Variants in PTPRD observed in about 807,000 individuals in gnomAD.
PTPRD encodes the protein protein tyrosine phosphatase receptor type D.
Under a neutral mutation model 214.5 loss-of-function variants are expected in PTPRD, and 34 were observed. That is an observed-to-expected ratio of 0.16 (90% CI 0.12 to 0.21). The LOEUF (loss-of-function observed/expected upper bound fraction) is 0.21. Ranked by LOEUF, PTPRD falls within the 10% of genes least tolerant of loss-of-function variation. PTPRD has a pLI of 1.00. For synonymous variants in PTPRD, 1,128 were observed against 845.7 expected (o/e 1.33, Z -5.79); for missense variants, 2,545 against 2,398.7 (o/e 1.06, Z -1.27).
At chr9:10,134,722 T>A (rs1290366280) in intron 3 of PTPRD, among the ~76,000 whole-genome samples, 2 of 151,956 alleles carry the variant, frequency 1.3e-5, no homozygotes, top group African/African-American at 4.8e-5. Context: ...AAAAGCCCCA[T>A]CTAAACAAAA....
chr9:8,870,854 C>G (rs998416912), intron 11 of PTPRD, among the ~76,000 whole-genome samples: 1 of 152,092 alleles, frequency 6.6e-6, no homozygotes, highest in Admixed American at 6.6e-5. Context: ...AGAACTTTAC[C>G]CTCTGTCCTG....
chr9:9,491,927 C>T (rs1239946513), intron 8 of PTPRD, among the ~76,000 whole-genome samples: 2 of 151,876 alleles, frequency 1.3e-5, no homozygotes, highest in South Asian at 2.1e-4. Context: ...AATAGAAAAA[C>T]AGTAGAGTAA....
At chr9:9,829,905 A>G (rs1235344303) in intron 5 of PTPRD, among the ~76,000 whole-genome samples, 1 of 151,792 alleles carries the variant, frequency 6.6e-6, no homozygotes, top group Non-Finnish European at 1.5e-5. Context: ...GCCCCTACAA[A>G]TAATCATAGA....
intron 6 of PTPRD, among the ~76,000 whole-genome samples, chr9:9,764,041 T>TC (rs2154477746): frequency 6.6e-6 from 1 of 152,266 alleles, no homozygotes; most frequent in Admixed American, 6.5e-5. Flanking sequence ...TGAGCACCTC[T>TC]CCATTGTAGC....
intron 8 of PTPRD, among the ~76,000 whole-genome samples, chr9:9,539,066 G>C (rs972787218): frequency 4.0e-5 from 6 of 151,796 alleles, no homozygotes; most frequent in African/African-American, 1.2e-4. Flanking sequence ...TTCTGCACAA[G>C]ATAATTTCAC....
intron 36 of PTPRD, among the ~76,000 whole-genome samples, chr9:8,391,795 A>C (rs1268267549): frequency 2.0e-5 from 3 of 152,164 alleles, no homozygotes. Flanking sequence ...CAAGGAAAGC[A>C]AATGTGTCTG....
chr9:8,795,359 G>A lies in PTPRD; in HGVS notation c.-103-61413C>T, dbSNP rs533618232. On this transcript the variant is annotated intron_variant, in intron 11 of 45. Coordinates refer to ENST00000381196, the MANE Select transcript of PTPRD (RefSeq NM_002839.4). ...TTTTCTATTTTTTAGTAGAGACAGC[G>A]TTTCACCACGGTTGGCCATGCTGAT... 3.9e-5 allele frequency among the ~76,000 whole-genome samples: 6 copies of A among 152,012 alleles called. No homozygotes were observed. The East Asian group carries it at 5.8e-4, about 15-fold the overall frequency.
At chr9:10,019,628 G>A (rs1190840830) in intron 4 of PTPRD, among the ~76,000 whole-genome samples, 1 of 152,104 alleles carries the variant, frequency 6.6e-6, no homozygotes, top group Non-Finnish European at 1.5e-5. Flanking sequence ...TCCTTTGTAG[G>A]GACATGGATG....
chr9:10,120,734 C>G (rs1432618975), intron 3 of PTPRD, among the ~76,000 whole-genome samples: 1 of 151,944 alleles, frequency 6.6e-6, no homozygotes, highest in African/African-American at 2.4e-5. Flanking sequence ...GACATTTCTT[C>G]TTCAATAAAT....
At chr9:10,077,055 T>A (rs2098142743) in intron 3 of PTPRD, among the ~76,000 whole-genome samples, 1 of 152,180 alleles carries the variant, frequency 6.6e-6, no homozygotes, top group African/African-American at 2.4e-5. Context: ...ATCCGGAGAC[T>A]TACTACAGAC....
At position 8,316,466 on chromosome 9, in the gene PTPRD, T is replaced by C. The variant is rs1821845731; in HGVS notation, c.*1408A>G. 8.7e-6 allele frequency: 2 copies of C among 230,664 alleles called. No homozygotes were observed. Among genetic ancestry groups the C allele is most frequent in the Non-Finnish European group, 8.6e-6 (1 of 116,234 alleles). 14.3% of individuals were successfully genotyped at this position (230,664 alleles called of 1,614,324 possible). On this transcript the variant is annotated 3_prime_UTR_variant, in exon 46 of 46. Transcript: ENST00000381196. ...TGAATTTGGCTTTGCCCCTGTTACA[T>C]ATCATAAATGCAAATTTCATAGCAC...
Position 8,463,308 on chromosome 9 carries a change from CAAAAAAAAA to C in PTPRD, c.3714+2149_3714+2157del, listed in dbSNP as rs71308864. ...TATGTCCAAGCTTCTCAGAGGCAGC[CAAAAAAAAA>C]AAAAAAAAAAAAAAAAAGATGTGTA... On this transcript the variant is annotated intron_variant, in intron 32 of 45. Transcript: ENST00000381196. Among the ~76,000 whole-genome samples the C allele has an allele frequency of 1.3e-3, 37 of 28,868 alleles. 1 individual carries two copies. The highest frequency in any genetic ancestry group is 3.6e-3 in the African/African-American group (37 of 10,218). 18.9% of individuals were successfully genotyped at this position (28,868 alleles called of 152,430 possible).
At chr9:9,659,346 AT>A (rs2096579373) in intron 7 of PTPRD, among the ~76,000 whole-genome samples, 1 of 152,108 alleles carries the variant, frequency 6.6e-6, no homozygotes, top group Non-Finnish European at 1.5e-5. Flanking sequence ...GAGAGAAAAA[AT>A]TTCAACAAAT....
chr9:8,822,810 C>T (rs2097097889), intron 11 of PTPRD, among the ~76,000 whole-genome samples: 1 of 151,938 alleles, frequency 6.6e-6, no homozygotes, highest in Non-Finnish European at 1.5e-5. Flanking sequence ...AACTTCAACC[C>T]CCTCCCATCC....
chr9:8,835,420 T>C (rs1428725654), intron 11 of PTPRD, among the ~76,000 whole-genome samples: 1 of 152,238 alleles, frequency 6.6e-6, no homozygotes, highest in Non-Finnish European at 1.5e-5. Context: ...AGTCGGCTTC[T>C]TAGAGTCTCC....
At chr9:9,329,134 A>G (rs1353112626) in intron 9 of PTPRD, among the ~76,000 whole-genome samples, 2 of 152,140 alleles carry the variant, frequency 1.3e-5, no homozygotes, top group African/African-American at 2.4e-5. Context: ...GCAGTAATGT[A>G]TCTCAGCAAA....
chr9:9,908,567 T>C (rs1183159963), intron 5 of PTPRD, among the ~76,000 whole-genome samples: 5 of 152,188 alleles, frequency 3.3e-5, no homozygotes, highest in East Asian at 3.9e-4. Flanking sequence ...AGTCCACAGA[T>C]AAAATGAAGT....
At chr9:9,306,585 A>T (rs1156769469) in intron 9 of PTPRD, among the ~76,000 whole-genome samples, 7 of 151,746 alleles carry the variant, frequency 4.6e-5, no homozygotes, top group Admixed American at 2.0e-4. Context: ...AAAAAAAAAA[A>T]AAAATCCATC....
At chr9:8,808,549 C>T (rs1303706058) in intron 11 of PTPRD, among the ~76,000 whole-genome samples, 2 of 147,794 alleles carry the variant, frequency 1.4e-5, no homozygotes, top group African/African-American at 2.6e-5. Context: ...TACACTAAAG[C>T]CCAGAGACAC....
Sources: gnomAD v4.1 joint callset for allele counts (sites outside exome capture counted in the v4.1 genomes callset) on GRCh38, gnomAD v4.1.1 for gene constraint, MANE v1.5 for transcripts, NCBI Gene and HGNC (gene_info 2026-07-23, HGNC 2026-07-21) for gene names.